Variants in CNTNAP2 observed in about 807,000 individuals in gnomAD.
CNTNAP2 encodes the protein contactin-associated protein-like 2.
In CNTNAP2, 98 loss-of-function variants were observed where a neutral mutation model predicts 155.2. That is an observed-to-expected ratio of 0.63 (90% CI 0.54 to 0.75). The LOEUF (loss-of-function observed/expected upper bound fraction) is 0.75. Ranked by LOEUF, CNTNAP2 falls within the 30% of genes least tolerant of loss-of-function variation. The probability of loss-of-function intolerance (pLI) is 0.00; values close to 1 mark genes in which losing one functional copy is unlikely to be tolerated. For synonymous variants in CNTNAP2, 651 were observed against 631.2 expected (o/e 1.03, Z -0.47); for missense variants, 1,727 against 1,688.1 (o/e 1.02, Z -0.40).
At chr7:146,548,137 GC>G (rs1798057876) in intron 1 of CNTNAP2, among the ~76,000 whole-genome samples, 1 of 151,674 alleles carries the variant, frequency 6.6e-6, no homozygotes, top group South Asian at 2.1e-4. Flanking sequence ...CTTTTGAAAG[GC>G]CCCAGTGTGT....
At chr7:147,929,198 A>G (rs1366613654) in intron 14 of CNTNAP2, among the ~76,000 whole-genome samples, 2 of 151,888 alleles carry the variant, frequency 1.3e-5, no homozygotes, top group African/African-American at 4.8e-5. Context: ...GAGGCAAGAT[A>G]GAGCAGTCAA....
intron 9 of CNTNAP2, among the ~76,000 whole-genome samples, chr7:147,341,076 G>GTGTGTGTGTGTGTT (rs1795753302): frequency 6.9e-6 from 1 of 145,074 alleles, no homozygotes; most frequent in Non-Finnish European, 1.5e-5. Context: ...GTGTTTGTGT[G>GTGTGTGTGTGTGTT]TGTGTGTGTG....
intron 11 of CNTNAP2, among the ~76,000 whole-genome samples, chr7:147,487,318 G>A (rs1378257239): frequency 1.3e-5 from 2 of 152,004 alleles, no homozygotes; most frequent in African/African-American, 2.4e-5. Context: ...ATATATGAAA[G>A]TATTTTAATG....
intron 10 of CNTNAP2, among the ~76,000 whole-genome samples, chr7:147,454,042 C>A (rs1435854947): frequency 6.6e-6 from 1 of 152,030 alleles, no homozygotes. Context: ...CAACTGAAAG[C>A]ATTTGCATTT....
chr7:147,944,090 T>C (rs1040755484), intron 14 of CNTNAP2, among the ~76,000 whole-genome samples: 4 of 152,222 alleles, frequency 2.6e-5, no homozygotes, highest in Admixed American at 2.0e-4. Context: ...TGCAGCATAA[T>C]TTGTAGAAGT....
chr7:146,701,707 G>A (rs957738523), intron 1 of CNTNAP2, among the ~76,000 whole-genome samples: 15 of 151,992 alleles, frequency 9.9e-5, no homozygotes, highest in African/African-American at 7.3e-5. Context: ...AGAATTAATA[G>A]TATGACATCT....
intron 8 of CNTNAP2, among the ~76,000 whole-genome samples, chr7:147,273,903 T>A (rs1006918456): frequency 1.4e-5 from 2 of 148,058 alleles, no homozygotes; most frequent in African/African-American, 2.5e-5. Flanking sequence ...TGTAATTATA[T>A]ATTACGTATT....
intron 19 of CNTNAP2, 129 bp from the exon 20 acceptor site, chr7:148,229,517 C>T (rs112143656): frequency 3.4e-5 from 43 of 1,263,488 alleles, no homozygotes; most frequent in African/African-American, 9.0e-5. Flanking sequence ...AGCAAGACTC[C>T]GTCAAAAAAA....
intron 11 of CNTNAP2, among the ~76,000 whole-genome samples, chr7:147,519,205 A>G (rs1051171689): frequency 6.6e-5 from 10 of 152,202 alleles, no homozygotes; most frequent in Non-Finnish European, 1.3e-4. Context: ...GGAGGCTCTG[A>G]GACAATCTGG....
chr7:147,911,439 T>G lies in CNTNAP2; in HGVS notation c.2255+7718T>G, dbSNP rs532050738. Among the ~76,000 whole-genome samples the G allele has an allele frequency of 2.0e-5, 3 of 152,210 alleles. No homozygotes were observed. In the East Asian group the frequency reaches 5.8e-4, roughly 29 times the overall value. Reference sequence around the variant, plus strand: ...AAGGAGGGGTAATGGTCTCGAGGGGTCTTATTTCTGGAACCATTTGGTCTT... The same window carrying G: ...AAGGAGGGGTAATGGTCTCGAGGGGGCTTATTTCTGGAACCATTTGGTCTT... On this transcript the variant is annotated intron_variant, in intron 14 of 23. Transcript: ENST00000361727.
At chr7:146,618,374 A>G (rs1799262483) in intron 1 of CNTNAP2, among the ~76,000 whole-genome samples, 1 of 152,200 alleles carries the variant, frequency 6.6e-6, no homozygotes, top group South Asian at 2.1e-4. Context: ...ATTTTAGGGT[A>G]TTATTTCATG....
intron 8 of CNTNAP2, among the ~76,000 whole-genome samples, chr7:147,242,868 C>T (rs192021761): frequency 9.9e-5 from 15 of 151,998 alleles, no homozygotes; most frequent in Non-Finnish European, 1.9e-4. Flanking sequence ...TTATGAGACA[C>T]TGACTTTGAT....
intron 13 of CNTNAP2, among the ~76,000 whole-genome samples, chr7:147,813,956 G>A (rs1304695679): frequency 6.6e-6 from 1 of 152,038 alleles, no homozygotes; most frequent in African/African-American, 2.4e-5. Context: ...TGACTAAAAA[G>A]TCGACAAGCT....
chr7:147,841,337 T>C (rs1183693194), intron 13 of CNTNAP2, among the ~76,000 whole-genome samples: 3 of 152,140 alleles, frequency 2.0e-5, no homozygotes, highest in Admixed American at 2.0e-4. Context: ...ATTTGCCAGA[T>C]CGTCTGTTTT....
intron 21 of CNTNAP2, among the ~76,000 whole-genome samples, chr7:148,283,363 T>G (rs2116466458): frequency 6.6e-6 from 1 of 151,434 alleles, no homozygotes; most frequent in Non-Finnish European, 1.5e-5. Flanking sequence ...TCCAAAGTAT[T>G]CCAGAAGGCA....
chr7:147,018,479 C>G (rs1442906964), intron 3 of CNTNAP2, among the ~76,000 whole-genome samples: 1 of 151,886 alleles, frequency 6.6e-6, no homozygotes, highest in African/African-American at 2.4e-5. Context: ...AACTGGATGA[C>G]TGGTTTGGAT....
intron 1 of CNTNAP2, among the ~76,000 whole-genome samples, chr7:146,509,956 A>G (rs1341544317): frequency 1.3e-5 from 2 of 152,104 alleles, no homozygotes; most frequent in East Asian, 3.9e-4. Flanking sequence ...GTCACTGGGT[A>G]CCATAACCCA....
chr7:146,952,959 G>C (rs886419630), intron 3 of CNTNAP2, among the ~76,000 whole-genome samples: 1 of 152,012 alleles, frequency 6.6e-6, no homozygotes, highest in Non-Finnish European at 1.5e-5. Context: ...TTTATTGTAA[G>C]TGACAGTCCT....
intron 14 of CNTNAP2, among the ~76,000 whole-genome samples, chr7:147,945,330 A>G (rs900107500): frequency 1.3e-5 from 2 of 152,204 alleles, no homozygotes; most frequent in Non-Finnish European, 2.9e-5. Context: ...TTTAAAATCA[A>G]TTTGGAATAA....
Sources: gnomAD v4.1 joint callset for allele counts (sites outside exome capture counted in the v4.1 genomes callset) on GRCh38, gnomAD v4.1.1 for gene constraint, MANE v1.5 for transcripts, NCBI Gene and HGNC (gene_info 2026-07-23, HGNC 2026-07-21) for gene names.